The following NR3C2 variants were observed in gnomAD, a reference collection of about 807,000 sequenced individuals.
The protein encoded by NR3C2 is nuclear receptor subfamily 3 group C member 2, also known as mineralocorticoid receptor.
Under a neutral mutation model 86.4 loss-of-function variants are expected in NR3C2, and 15 were observed. The observed-to-expected ratio is 0.17, with a 90% CI of 0.12 to 0.27. The LOEUF is 0.27. Ranked by LOEUF, NR3C2 falls within the 10% of genes least tolerant of loss-of-function variation. The pLI is 1.00. For synonymous variants in NR3C2, 458 were observed against 450.5 expected (o/e 1.02, Z -0.21); for missense variants, 960 against 1,195.6 (o/e 0.80, Z 2.91).
chr4:148,250,286 G>A (rs1029950333), intron 3 of NR3C2, among the ~76,000 whole-genome samples: 2 of 152,048 alleles, frequency 1.3e-5, no homozygotes, highest in African/African-American at 4.8e-5. Flanking sequence ...AAAACCAGGG[G>A]CCTTGAAAGA....
intron 2 of NR3C2, among the ~76,000 whole-genome samples, chr4:148,323,751 G>C (rs541939254): frequency 6.6e-6 from 1 of 152,038 alleles, no homozygotes; most frequent in African/African-American, 2.4e-5. Flanking sequence ...CACACGGTGC[G>C]CGCACCCACT....
At chr4:148,162,540 A>T (rs1048154677) in intron 4 of NR3C2, among the ~76,000 whole-genome samples, 1 of 152,180 alleles carries the variant, frequency 6.6e-6, no homozygotes, top group Admixed American at 6.5e-5. Context: ...GGGAAGAGGA[A>T]ACTCAGAACA....
intron 2 of NR3C2, among the ~76,000 whole-genome samples, chr4:148,293,442 ACT>A (rs1214585996): frequency 6.6e-6 from 1 of 152,138 alleles, no homozygotes; most frequent in Non-Finnish European, 1.5e-5. Flanking sequence ...CCAGGCAGTG[ACT>A]CTGCTATCTT....
At chr4:148,141,267 T>C (rs2149753488) in intron 6 of NR3C2, among the ~76,000 whole-genome samples, 1 of 152,234 alleles carries the variant, frequency 6.6e-6, no homozygotes. Flanking sequence ...ACCCTGTCTC[T>C]ACTAAAAATA....
chr4:148,098,243 T>C (rs1285985632), intron 8 of NR3C2, among the ~76,000 whole-genome samples: 1 of 152,234 alleles, frequency 6.6e-6, no homozygotes, highest in East Asian at 1.9e-4. Flanking sequence ...CCTTGTTTTA[T>C]GCATGTTTCT....
chr4:148,366,479 C>CTTT (rs1561066879), intron 2 of NR3C2, among the ~76,000 whole-genome samples: 1 of 6,170 alleles, frequency 1.6e-4, no homozygotes. Flanking sequence ...TTAAAAAGTA[C>CTTT]TCAGCACTTT....
chr4:148,312,451 G>A (rs559968626), intron 2 of NR3C2, among the ~76,000 whole-genome samples: 97 of 152,260 alleles, frequency 6.4e-4, no homozygotes, highest in African/African-American at 2.2e-3. Flanking sequence ...TTTCCCTGCA[G>A]CCAGCCAGTT....
intron 2 of NR3C2, among the ~76,000 whole-genome samples, chr4:148,375,063 T>C (rs1216955558): frequency 6.6e-6 from 1 of 152,170 alleles, no homozygotes; most frequent in Non-Finnish European, 1.5e-5. Flanking sequence ...GTAAAGACAA[T>C]AAATAAAATC....
chr4:148,131,838 T>A (rs1429906977), intron 6 of NR3C2, among the ~76,000 whole-genome samples: 1 of 152,210 alleles, frequency 6.6e-6, no homozygotes, highest in Non-Finnish European at 1.5e-5. Context: ...CCAGAAGAGA[T>A]ATGTTTTCAT....
At chr4:148,215,003 G>C (rs1004348374) in intron 3 of NR3C2, among the ~76,000 whole-genome samples, 5 of 152,168 alleles carry the variant, frequency 3.3e-5, no homozygotes, top group Admixed American at 3.3e-4. Flanking sequence ...AAGGGGATGG[G>C]GGCCTGGGTA....
intron 2 of NR3C2, among the ~76,000 whole-genome samples, chr4:148,357,425 A>G (rs764424978): frequency 2.0e-5 from 3 of 152,150 alleles, no homozygotes; most frequent in South Asian, 4.1e-4. Flanking sequence ...TACATAAGGT[A>G]TATCTCTCAA....
At chr4:148,272,717 T>TC (rs1181600790) in intron 2 of NR3C2, among the ~76,000 whole-genome samples, 1 of 152,190 alleles carries the variant, frequency 6.6e-6, no homozygotes, top group African/African-American at 2.4e-5. Context: ...GATGTTTTTT[T>TC]CAGAAGTTTT....
chr4:148,197,023 C>A (rs968495556), intron 3 of NR3C2, among the ~76,000 whole-genome samples: 2 of 152,130 alleles, frequency 1.3e-5, no homozygotes, highest in Non-Finnish European at 2.9e-5. Context: ...TGCTGCTATT[C>A]ACCAGAAGAA....
intron 4 of NR3C2, among the ~76,000 whole-genome samples, chr4:148,194,175 T>C (rs1211396714): frequency 2.0e-5 from 3 of 152,234 alleles, no homozygotes; most frequent in African/African-American, 7.2e-5. Flanking sequence ...CTTAGAATTA[T>C]ACTATATTTA....
At chr4:148,433,593 T>C (rs904631377) in intron 2 of NR3C2, among the ~76,000 whole-genome samples, 1 of 152,142 alleles carries the variant, frequency 6.6e-6, no homozygotes, top group African/African-American at 2.4e-5. Context: ...ATTTAAATTG[T>C]CTTAACTACC....
chr4:148,318,793 T>C (rs1743376931), intron 2 of NR3C2, among the ~76,000 whole-genome samples: 1 of 152,146 alleles, frequency 6.6e-6, no homozygotes, highest in African/African-American at 2.4e-5. Context: ...GTCAGATGAG[T>C]AGGTTGTGAA....
intron 2 of NR3C2, among the ~76,000 whole-genome samples, chr4:148,286,691 C>G (rs982742534): frequency 6.6e-6 from 1 of 152,034 alleles, no homozygotes; most frequent in African/African-American, 2.4e-5. Context: ...TAGTCACAGC[C>G]TTTTTTAAGG....
chr4:148,390,952 T>A (rs1747516539), intron 2 of NR3C2, among the ~76,000 whole-genome samples: 1 of 152,206 alleles, frequency 6.6e-6, no homozygotes, highest in African/African-American at 2.4e-5. Flanking sequence ...AGAAACCAAT[T>A]GTTGCTAAAA....
chr4:148,245,811 G>A lies in NR3C2; in HGVS notation c.1897+14167C>T, dbSNP rs1579061764. Among the ~76,000 whole-genome samples, 4 of 152,266 alleles carry A rather than the reference G, an allele frequency of 2.6e-5. No homozygotes were observed. The South Asian group carries it at 6.2e-4, about 24-fold the overall frequency. ...GTCTTCGATGAAAATTTTGTATGTA[G>A]AAAGAATTTCATTTTCGATGGAAAT... On this transcript the variant is annotated intron_variant, in intron 3 of 8. Coordinates refer to ENST00000358102, the MANE Select transcript of NR3C2 (RefSeq NM_000901.5).
Sources: allele counts gnomAD v4.1 joint callset (sites outside exome capture counted in the v4.1 genomes callset), GRCh38; gene constraint gnomAD v4.1.1; transcripts MANE v1.5; gene names NCBI Gene and HGNC (gene_info 2026-07-23, HGNC 2026-07-21).